Variants in COL12A1 observed in about 807,000 individuals in gnomAD.
The protein encoded by COL12A1 is collagen type XII alpha 1 chain.
COL12A1 carries 114 observed loss-of-function variants against 349.7 expected under a neutral mutation model. The ratio of observed to expected loss-of-function variants is 0.33; its 90% CI spans 0.28 to 0.38. The LOEUF (loss-of-function observed/expected upper bound fraction) is 0.38. COL12A1 is among the 10% of genes least tolerant of loss of function. The probability of loss-of-function intolerance (pLI) is 1.00; values close to 1 mark genes in which losing one functional copy is unlikely to be tolerated. For missense variants in COL12A1, 3,284 were observed against 3,756.9 expected (o/e 0.87, Z 3.29); for synonymous variants, 1,369 against 1,329.0 (o/e 1.03, Z -0.66).
chr6:75,193,572 TG>T (rs1397090847), intron 3 of COL12A1, among the ~76,000 whole-genome samples: 1 of 152,170 alleles, frequency 6.6e-6, no homozygotes, highest in African/African-American at 2.4e-5. Flanking sequence ...TTTCTTTCTT[TG>T]TTTTTTTTAC....
At position 75,156,340 on chromosome 6, in the gene COL12A1, T is replaced by G; in HGVS notation, c.3167A>C (p.Gln1056Pro). ...TGTGATGTCATATGTGGTCTGTGGC[T>G]GAAGTCGCTTTAACACTGTCGAAGT... ...TVTSTVLKRL[Q>P]PQTTYDITVL... Residue 1056 changes from glutamine to proline, a missense_variant, in exon 15 of 66, where the codon CAG becomes CCG. Physicochemically the swap from Gln to Pro is moderately conservative, Grantham distance 76. Transcript: ENST00000322507. The G allele has an allele frequency of 6.2e-7, 1 of 1,613,986 alleles. No individual in the cohort carries two copies. Among genetic ancestry groups the G allele is most frequent in the South Asian group, 1.1e-5 (1 of 91,082 alleles).
At chr6:75,204,941 C>G (rs1294868324) in intron 1 of COL12A1, among the ~76,000 whole-genome samples, 1 of 152,080 alleles carries the variant, frequency 6.6e-6, no homozygotes, top group Non-Finnish European at 1.5e-5. Flanking sequence ...TCGAGAGTCT[C>G]CCTGGCCCAG....
At chr6:75,187,741 T>C (rs1488525691) in intron 8 of COL12A1, among the ~76,000 whole-genome samples, 2 of 152,084 alleles carry the variant, frequency 1.3e-5, no homozygotes, top group African/African-American at 2.4e-5. Context: ...AGAACAATGA[T>C]GGAAAAATAT....
At chr6:75,106,603 G>A (rs1562124298) in intron 52 of COL12A1, 107 bp from the exon 53 acceptor site, 1 of 927,140 alleles carries the variant, frequency 1.1e-6, no homozygotes. Context: ...TCTCTCAAGG[G>A]TGTGAGCCAT....
In COL12A1 at chr6:75,156,400, C is replaced by T. The variant is rs762912808; in HGVS notation, c.3107G>A (p.Gly1036Glu). 2 of 1,613,936 alleles carry T rather than the reference C, an allele frequency of 1.2e-6. No homozygotes were observed. The highest frequency in any genetic ancestry group is 2.2e-5 in the East Asian group (1 of 44,866). Residue 1036 changes from glycine (G) to glutamate (E), a missense_variant, in exon 15 of 66, where the codon GGG becomes GAG. Gly to Glu is a moderately conservative substitution (Grantham distance 98). Transcript: ENST00000322507. ...YRVVYRPHGR[G>E]KQMVAKVPPT... is the part of the protein sequence containing the mutation. ...GGGCACCTTAGCAACCATTTGCTTC[C>T]CTCTCCCATGAGGGCGATAGACAAC... is the stretch of plus-strand genomic sequence containing the variant.
intron 8 of COL12A1, 49 bp downstream of exon 8, chr6:75,188,313 A>G: frequency 6.5e-7 from 1 of 1,538,226 alleles, no homozygotes; most frequent in Admixed American, 2.2e-5. Flanking sequence ...ATAAATACTC[A>G]AACAATGGAA....
chr6:75,112,567 T>A (rs1307635264), intron 51 of COL12A1, among the ~76,000 whole-genome samples: 1 of 151,616 alleles, frequency 6.6e-6, no homozygotes, highest in Non-Finnish European at 1.5e-5. Flanking sequence ...TTGATTAAGA[T>A]GATCAAGAAT....
At chr6:75,135,566 C>G (rs571282694) in intron 31 of COL12A1, among the ~76,000 whole-genome samples, 1 of 152,226 alleles carries the variant, frequency 6.6e-6, no homozygotes, top group African/African-American at 2.4e-5. Context: ...AACAGTCTAC[C>G]GAATTCAGAT....
rs760141819 is a variant in COL12A1 at position 75,165,667 on chromosome 6, T to C, written c.2823A>G (p.Ser941=). 5.0e-6 allele frequency: 8 copies of C among 1,613,906 alleles called. No homozygotes were observed. Among genetic ancestry groups the C allele is most frequent in the Non-Finnish European group, 5.9e-6 (7 of 1,179,926 alleles). ...CTCCAGTGTCAACATCATCATAAAG[T>C]GATTTCCATGAGACCCTGTAACCGC... ...MVRGYRVSWK[S]LYDDVDTGEK... is the part of the protein sequence containing the mutation. Residue 941 remains serine, a synonymous_variant, in exon 14 of 66, where the codon TCA becomes TCG. Transcript: ENST00000322507.
chr6:75,201,356 C>T (rs576797594), intron 2 of COL12A1, among the ~76,000 whole-genome samples: 1 of 152,186 alleles, frequency 6.6e-6, no homozygotes, highest in Non-Finnish European at 1.5e-5. Context: ...AAATATTCAT[C>T]AGCTAAGAAA....
chr6:75,194,977 C>A lies in COL12A1; in HGVS notation c.74-30G>T. On this transcript the variant is annotated intron_variant, in intron 2 of 65. Coordinates refer to ENST00000322507, the MANE Select transcript of COL12A1 (RefSeq NM_004370.6). The stretch of plus-strand genomic sequence containing the variant: ...AAAAGAGAGAGTTTATATTATTAAA[C>A]TTTTCAATGTCACAAAATGGTCAAT... 3.1e-6 allele frequency: 4 copies of A among 1,276,450 alleles called. No homozygotes were observed. In the South Asian group the frequency reaches 4.1e-5, roughly 13 times the overall value. The allele number at this position is 1,276,450 out of a possible 1,614,324, so 79.1% of individuals were successfully genotyped here. A position where few individuals can be genotyped will look rare whatever the true frequency, so the allele number is the denominator to read the frequency against.
Position 75,091,363 on chromosome 6 carries a change from C to T in COL12A1, c.8712G>A (p.Met2904Ile), listed in dbSNP as rs1047419746. ...CACAGACTTGTCTTGCAACTGCTCG[C>T]ATCATGTTCTGGGAAGCAATGTCTC... Reference protein sequence around the residue: ...DRGDIASQNMMRAVARQVCEQ... With the variant: ...DRGDIASQNMIRAVARQVCEQ... The change falls in exon 62 of 66, where the codon ATG (methionine) becomes ATA (isoleucine). Residue 2904 changes from methionine (M) to isoleucine (I), a missense_variant. Around this residue, in one of 2 missense-constraint regions of COL12A1, gnomAD observed 683 missense variants for 932.1 expected, o/e 0.73. Transcript: ENST00000322507. 1.2e-6 allele frequency: 2 copies of T among 1,613,808 alleles called. No individual in the cohort carries two copies. Among genetic ancestry groups the T allele is most frequent in the African/African-American group, 2.7e-5 (2 of 75,052 alleles).
intron 27 of COL12A1, among the ~76,000 whole-genome samples, chr6:75,139,177 T>G (rs1479693146): frequency 2.0e-5 from 3 of 152,232 alleles, no homozygotes; most frequent in Non-Finnish European, 4.4e-5. Context: ...TTTAAATGAT[T>G]ATTTTTTTAA....
chr6:75,122,377 A>T (rs1366082944), intron 43 of COL12A1, among the ~76,000 whole-genome samples: 1 of 152,166 alleles, frequency 6.6e-6, no homozygotes, highest in African/African-American at 2.4e-5. Flanking sequence ...TAACAAACGT[A>T]CCACTCAGAT....
intron 49 of COL12A1, among the ~76,000 whole-genome samples, chr6:75,115,582 G>A (rs887881024): frequency 6.6e-6 from 1 of 152,078 alleles, no homozygotes. Flanking sequence ...CAATAACGAG[G>A]CCTGAGTCTT....
intron 8 of COL12A1, among the ~76,000 whole-genome samples, chr6:75,186,927 T>C (rs370476521): frequency 1.4e-4 from 22 of 151,748 alleles, no homozygotes; most frequent in East Asian, 7.8e-4. Flanking sequence ...TGAGAACATA[T>C]GGAGACATAG....
At chr6:75,177,148 G>C (rs951874385) in intron 12 of COL12A1, among the ~76,000 whole-genome samples, 9 of 151,956 alleles carry the variant, frequency 5.9e-5, no homozygotes, top group Middle Eastern at 3.4e-3. Context: ...AAATTCTATT[G>C]ACACAAGGCC....
chr6:75,114,930 G>A (rs777262309), intron 49 of COL12A1, among the ~76,000 whole-genome samples: 1 of 152,070 alleles, frequency 6.6e-6, no homozygotes, highest in Non-Finnish European at 1.5e-5. Context: ...ACGCTGAGCT[G>A]ACTGGAAGAG....
Position 75,147,262 on chromosome 6 carries a change from T to A in COL12A1, c.4417+413A>T, listed in dbSNP as rs1444763566. Among the ~76,000 whole-genome samples, 3 of 152,220 alleles carry A rather than the reference T, an allele frequency of 2.0e-5. No individual in the cohort carries two copies. The East Asian group carries it at 5.8e-4, about 29-fold the overall frequency. On this transcript the variant is annotated intron_variant, in intron 23 of 65. Transcript: ENST00000322507. ...CCCACTCCCCACATGGTATCCTTCCTCATATCTTACTCCTGATGTGCTTTA... is the reference window on the plus strand; with the variant it reads ...CCCACTCCCCACATGGTATCCTTCCACATATCTTACTCCTGATGTGCTTTA...
Sources: allele counts gnomAD v4.1 joint callset (sites outside exome capture counted in the v4.1 genomes callset), GRCh38; gene constraint gnomAD v4.1.1; regional missense constraint gnomAD v4.1.1; transcripts MANE v1.5; gene names NCBI Gene and HGNC (gene_info 2026-07-23, HGNC 2026-07-21).